The following IL1RAPL2 variants were observed in gnomAD, a reference collection of about 807,000 sequenced individuals.
The protein encoded by IL1RAPL2 is X-linked interleukin-1 receptor accessory protein-like 2.
In IL1RAPL2, 3 loss-of-function variants were observed where a neutral mutation model predicts 44.1. The ratio of observed to expected loss-of-function variants is 0.07; its 90% CI spans 0.03 to 0.18. The LOEUF (loss-of-function observed/expected upper bound fraction) is 0.18, where lower values mean the gene tolerates loss of function less well. IL1RAPL2 is among the 10% of genes least tolerant of loss of function. The pLI is 1.00. For synonymous variants in IL1RAPL2, 181 were observed against 178.8 expected (o/e 1.01, Z -0.10); for missense variants, 391 against 496.4 (o/e 0.79, Z 2.02).
rs773286218 is a variant in IL1RAPL2 at position 104,883,776 on chromosome X, G to A, written c.82+224781G>A. ...TTTACCCAAAGCCCCATCACAGGGG[G>A]GACTGCCTGGAATTTTAGGATCCCT... On this transcript the variant is annotated intron_variant, in intron 2 of 10. Coordinates refer to ENST00000372582, the MANE Select transcript of IL1RAPL2 (RefSeq NM_017416.2). Among the ~76,000 whole-genome samples, 4 of 111,389 alleles carry A rather than the reference G, an allele frequency of 3.6e-5. No homozygotes were observed. The East Asian group carries it at 1.1e-3, about 32-fold the overall frequency.
In IL1RAPL2 at chrX:104,712,161, T is replaced by G. The variant is rs1240301830; in HGVS notation, c.82+53166T>G. On this transcript the variant is annotated intron_variant, in intron 2 of 10. Coordinates refer to ENST00000372582, the MANE Select transcript of IL1RAPL2 (RefSeq NM_017416.2). ...AATAACCTAGGAAGTTCCCCTCTTCTCCATGAGTTGTCATTAACTGTTTGA... is the reference window on the plus strand; with the variant it reads ...AATAACCTAGGAAGTTCCCCTCTTCGCCATGAGTTGTCATTAACTGTTTGA... 2.7e-5 allele frequency among the ~76,000 whole-genome samples: 3 copies of G among 110,526 alleles called. No individual in the cohort carries two copies. In the East Asian group the frequency reaches 8.6e-4, roughly 32 times the overall value.
chrX:104,675,432 G>A (rs1487805600), intron 2 of IL1RAPL2, among the ~76,000 whole-genome samples: 6 of 111,730 alleles, frequency 5.4e-5, no homozygotes, highest in Non-Finnish European at 7.5e-5. Context: ...TTAATCCTGA[G>A]TTCTAGTTTG....
chrX:104,794,024 T>A (rs987527647), intron 2 of IL1RAPL2, among the ~76,000 whole-genome samples: 2 of 112,093 alleles, frequency 1.8e-5, no homozygotes, highest in Non-Finnish European at 3.8e-5. Flanking sequence ...CTCACCTGAA[T>A]TCCAACTGTG....
chrX:104,862,185 G>C (rs961675107), intron 2 of IL1RAPL2, among the ~76,000 whole-genome samples: 2 of 110,811 alleles, frequency 1.8e-5, no homozygotes, highest in African/African-American at 6.6e-5. Context: ...TGAACATGGG[G>C]GTCCTTTTAT....
intron 6 of IL1RAPL2, among the ~76,000 whole-genome samples, chrX:105,616,918 A>C (rs758093069): frequency 9.1e-6 from 1 of 110,128 alleles, no homozygotes; most frequent in East Asian, 2.9e-4. Context: ...CTCAGATCTG[A>C]GTTCTAGTGA....
chrX:105,615,352 T>C (rs1439364806), intron 6 of IL1RAPL2, among the ~76,000 whole-genome samples: 1 of 111,578 alleles, frequency 9.0e-6, no homozygotes, highest in African/African-American at 3.3e-5. Context: ...AGAAATAAAA[T>C]CAGTATATCA....
At chrX:105,218,953 C>T in intron 3 of IL1RAPL2, 1 of 1,196,237 alleles carries the variant, frequency 8.4e-7, no homozygotes, top group Non-Finnish European at 1.1e-6. Context: ...TTCTATTTTG[C>T]ATTTCTGCAC....
chrX:105,242,363 G>T (rs1287483520), intron 4 of IL1RAPL2, among the ~76,000 whole-genome samples: 1 of 112,291 alleles, frequency 8.9e-6, no homozygotes, highest in African/African-American at 3.2e-5. Context: ...CAAAATATTT[G>T]ATTTAAGCAC....
intron 2 of IL1RAPL2, among the ~76,000 whole-genome samples, chrX:104,966,423 A>G (rs761399045): frequency 1.8e-5 from 2 of 111,893 alleles, no homozygotes; most frequent in South Asian, 3.7e-4. Flanking sequence ...TGCAAACGTT[A>G]CATATTTTCA....
chrX:105,683,565 T>C (rs1246447776), intron 6 of IL1RAPL2, among the ~76,000 whole-genome samples: 1 of 110,501 alleles, frequency 9.0e-6, no homozygotes, highest in Non-Finnish European at 1.9e-5. Context: ...AAAAGCTCTA[T>C]GTGGTCCTCA....
intron 2 of IL1RAPL2, among the ~76,000 whole-genome samples, chrX:105,070,027 A>G (rs754133415): frequency 8.9e-6 from 1 of 111,924 alleles, no homozygotes; most frequent in Non-Finnish European, 1.9e-5. Context: ...GTTGCTCTGA[A>G]TATGCCTTGG....
chrX:105,474,724 G>A (rs1266179109), intron 5 of IL1RAPL2, among the ~76,000 whole-genome samples: 1 of 111,918 alleles, frequency 8.9e-6, no homozygotes, highest in East Asian at 2.8e-4. Flanking sequence ...ACAGCTAAAG[G>A]AGGTATTCAG....
intron 1 of IL1RAPL2, among the ~76,000 whole-genome samples, chrX:104,592,143 A>ATGTG (rs1344014844): frequency 4.6e-5 from 2 of 43,464 alleles, no homozygotes; most frequent in Admixed American, 3.4e-4. Context: ...TAATGCCCGT[A>ATGTG]TATGTGTGTG....
intron 2 of IL1RAPL2, among the ~76,000 whole-genome samples, chrX:104,895,874 A>C (rs1923628408): frequency 9.0e-6 from 1 of 111,106 alleles, no homozygotes; most frequent in South Asian, 3.9e-4. Context: ...CTTCTGCGTC[A>C]CTCACACTGG....
At chrX:105,485,053 C>G in intron 6 of IL1RAPL2, among the ~76,000 whole-genome samples, 1 of 111,672 alleles carries the variant, frequency 9.0e-6, no homozygotes, top group Non-Finnish European at 1.9e-5. Flanking sequence ...AAATTGTGGC[C>G]TTTAATTTAA....
At chrX:105,056,170 A>G (rs1280961768) in intron 2 of IL1RAPL2, among the ~76,000 whole-genome samples, 1 of 111,923 alleles carries the variant, frequency 8.9e-6, no homozygotes, top group Non-Finnish European at 1.9e-5. Flanking sequence ...ATAAAATGTC[A>G]TATTAAGAAG....
intron 2 of IL1RAPL2, among the ~76,000 whole-genome samples, chrX:104,910,755 G>C (rs767467030): frequency 3.6e-5 from 4 of 111,561 alleles, no homozygotes; most frequent in Non-Finnish European, 5.6e-5. Flanking sequence ...ACATATTCAC[G>C]TGCACACCTA....
At chrX:104,897,385 A>G (rs912147194) in intron 2 of IL1RAPL2, among the ~76,000 whole-genome samples, 4 of 112,235 alleles carry the variant, frequency 3.6e-5, no homozygotes, top group African/African-American at 6.5e-5. Context: ...TTGAAGTTAC[A>G]TGATAATTAT....
chrX:105,156,997 G>C (rs1602982736), intron 2 of IL1RAPL2, among the ~76,000 whole-genome samples: 1 of 108,720 alleles, frequency 9.2e-6, no homozygotes, highest in East Asian at 2.9e-4. Flanking sequence ...GAGAACTTAG[G>C]CAAGGCACTT....
Sources: gnomAD v4.1 joint callset for allele counts (sites outside exome capture counted in the v4.1 genomes callset) on GRCh38, gnomAD v4.1.1 for gene constraint, MANE v1.5 for transcripts, NCBI Gene and HGNC (gene_info 2026-07-23, HGNC 2026-07-21) for gene names.